The following HEATR5B variants were observed in gnomAD, a reference collection of about 807,000 sequenced individuals.
HEATR5B encodes HEAT repeat containing 5B.
HEATR5B carries 156 observed loss-of-function variants against 224.1 expected under a neutral mutation model. That is an observed-to-expected ratio of 0.70 (90% CI 0.61 to 0.80). The LOEUF (loss-of-function observed/expected upper bound fraction) is 0.80, where lower values mean the gene tolerates loss of function less well. Ranked by LOEUF, HEATR5B falls within the 30% of genes least tolerant of loss-of-function variation. The pLI is 0.00. For missense variants in HEATR5B, 2,323 were observed against 2,535.5 expected, an observed-to-expected ratio of 0.92 and a Z score of 1.80; for synonymous variants, 1,027 against 893.0, an observed-to-expected ratio of 1.15 and a Z score of -2.68.
chr2:37,046,811 A>G (rs1670224608), intron 18 of HEATR5B, among the ~76,000 whole-genome samples: 1 of 151,824 alleles, frequency 6.6e-6, no homozygotes, highest in South Asian at 2.1e-4. Context: ...GCACTTTGGG[A>G]GGCCGAGGCA....
rs1254956990 is a variant in HEATR5B, at chr2:37,008,663, A to G, written c.4470T>C (p.Asp1490=). The G allele has an allele frequency of 1.2e-6, 2 of 1,614,184 alleles. No individual in the cohort carries two copies. The highest frequency in any genetic ancestry group is 1.3e-5 in the African/African-American group (1 of 75,062). The change falls in exon 28 of 36, where the codon GAT becomes GAC. Residue 1490 remains aspartate (D), a synonymous_variant. Coordinates refer to ENST00000233099, the MANE Select transcript of HEATR5B (RefSeq NM_019024.3). ...CGGCTGGTAAAGTCAAGAGTGCATA[A>G]TCTTTTAATGCTGCTAACCACAGGC... ...LSRLWLAALK[D]YALLTLPAEF... is the part of the protein sequence containing the mutation.
At chr2:36,988,585 G>A (rs2148328315) in intron 35 of HEATR5B, 61 bp downstream of exon 35, 4 of 1,403,834 alleles carry the variant, frequency 2.8e-6, no homozygotes, top group South Asian at 1.2e-5. Flanking sequence ...TATCAAATAA[G>A]ATTTATATAC....
chr2:37,020,850 T>A lies in HEATR5B; in HGVS notation c.3854-14A>T. 1 of 1,444,590 alleles carries A rather than the reference T, an allele frequency of 6.9e-7. No homozygotes were observed. Among genetic ancestry groups the A allele is most frequent in the Non-Finnish European group, 9.2e-7 (1 of 1,087,286 alleles). The allele number at this position is 1,444,590 out of a possible 1,614,324, so 89.5% of individuals were successfully genotyped here. ...CCAAGAGGTCATCTAAAAATAAAAA[T>A]AGAATGCAAAAATGAAAACTTTTCC... On this transcript the variant is annotated splice_polypyrimidine_tract_variant and intron_variant, in intron 24 of 35. Coordinates refer to ENST00000233099, the MANE Select transcript of HEATR5B (RefSeq NM_019024.3).
chr2:37,082,355 C>A lies in HEATR5B; in HGVS notation c.126+934G>T, dbSNP rs1436263130. Among the ~76,000 whole-genome samples, 7 of 152,090 alleles carry A rather than the reference C, an allele frequency of 4.6e-5. No individual in the cohort carries two copies. The East Asian group carries it at 9.7e-4, about 21-fold the overall frequency. ...TCAGCTTCCCAACGTGCTGGGATTA[C>A]AGGCGTGAACCACCATGCCGGGCCA... On this transcript the variant is annotated intron_variant, in intron 2 of 35. Coordinates refer to ENST00000233099, the MANE Select transcript of HEATR5B (RefSeq NM_019024.3).
intron 34 of HEATR5B, 49 bp downstream of exon 34, chr2:36,990,599 C>T: frequency 7.0e-7 from 1 of 1,436,936 alleles, no homozygotes; most frequent in South Asian, 1.5e-5. Context: ...TGACATTTTC[C>T]TGATAAAGGG....
intron 12 of HEATR5B, among the ~76,000 whole-genome samples, chr2:37,059,313 T>C (rs1477995110): frequency 6.7e-6 from 1 of 149,614 alleles, no homozygotes; most frequent in Non-Finnish European, 1.5e-5. Flanking sequence ...TATACACATA[T>C]ACATTTATGT....
intron 14 of HEATR5B, among the ~76,000 whole-genome samples, 177 bp downstream of exon 14, chr2:37,058,274 C>T (rs1008043212): frequency 5.9e-5 from 9 of 152,096 alleles, no homozygotes; most frequent in African/African-American, 2.2e-4. Flanking sequence ...AGGCTGAAAA[C>T]GAGACCCAGA....
At chr2:36,994,505 C>T (rs547667628) in intron 33 of HEATR5B, among the ~76,000 whole-genome samples, 2 of 152,208 alleles carry the variant, frequency 1.3e-5, no homozygotes, top group South Asian at 2.1e-4. Flanking sequence ...CTGCTTGCCT[C>T]GATATACAAA....
intron 16 of HEATR5B, among the ~76,000 whole-genome samples, chr2:37,054,121 TTTTTA>T (rs1337758988): frequency 1.3e-5 from 2 of 151,750 alleles, no homozygotes; most frequent in African/African-American, 2.4e-5. Context: ...AGTGAATTGT[TTTTTA>T]TATTAATAAA....
At chr2:37,016,113 CTT>C (rs370375953) in intron 26 of HEATR5B, among the ~76,000 whole-genome samples, 11 of 131,998 alleles carry the variant, frequency 8.3e-5, no homozygotes, top group African/African-American at 8.6e-5. Flanking sequence ...TCCTTACTTT[CTT>C]TTTTTTTTTT....
At chr2:36,993,487 G>A (rs374369048) in intron 33 of HEATR5B, among the ~76,000 whole-genome samples, 1 of 151,180 alleles carries the variant, frequency 6.6e-6, no homozygotes, top group African/African-American at 2.4e-5. Context: ...AGGTTGCGGT[G>A]AGCCAAAATC....
At chr2:37,078,903 A>C (rs1248955507) in intron 3 of HEATR5B, among the ~76,000 whole-genome samples, 1 of 152,224 alleles carries the variant, frequency 6.6e-6, no homozygotes, top group Admixed American at 6.5e-5. Flanking sequence ...TACCTATTTT[A>C]CACTGTCATT....
chr2:36,997,140 T>G (rs1326654303), intron 33 of HEATR5B, among the ~76,000 whole-genome samples: 1 of 152,208 alleles, frequency 6.6e-6, no homozygotes, highest in Non-Finnish European at 1.5e-5. Flanking sequence ...TTTTTTCATC[T>G]ACCATTTAAT....
chr2:37,044,696 A>G (rs1670081405), intron 18 of HEATR5B, among the ~76,000 whole-genome samples: 1 of 152,212 alleles, frequency 6.6e-6, no homozygotes, highest in Admixed American at 6.5e-5. Flanking sequence ...TATCTTCCAA[A>G]GTGTCTGTAA....
intron 6 of HEATR5B, 91 bp from the exon 7 acceptor site, chr2:37,070,478 C>A: frequency 1.1e-6 from 1 of 947,190 alleles, no homozygotes. Flanking sequence ...GGACACTTTA[C>A]TACAATGGGG....
chr2:37,062,699 C>G (rs928592174), intron 10 of HEATR5B, among the ~76,000 whole-genome samples: 3 of 152,236 alleles, frequency 2.0e-5, no homozygotes, highest in African/African-American at 7.2e-5. Flanking sequence ...AGCATCTATG[C>G]TACTACTTTG....
At chr2:36,984,110 G>A (rs1201639508) in intron 35 of HEATR5B, among the ~76,000 whole-genome samples, 1 of 147,102 alleles carries the variant, frequency 6.8e-6, no homozygotes, top group Non-Finnish European at 1.5e-5. Context: ...TGAGGCAGGA[G>A]AATCACTTGA....
At chr2:37,073,340 A>G (rs1486920557) in intron 5 of HEATR5B, among the ~76,000 whole-genome samples, 2 of 152,258 alleles carry the variant, frequency 1.3e-5, no homozygotes, top group Non-Finnish European at 2.9e-5. Context: ...ACTAAAAAAG[A>G]AAAATCAAAT....
At position 36,990,769 on chromosome 2, in the gene HEATR5B, C is replaced by T; in HGVS notation, c.5576G>A (p.Ser1859Asn). The T allele has an allele frequency of 6.2e-7, 1 of 1,609,482 alleles. No individual in the cohort carries two copies. Among genetic ancestry groups the T allele is most frequent in the East Asian group, 2.2e-5 (1 of 44,780 alleles). Residue 1859 changes from serine (S) to asparagine (N), a missense_variant, in exon 34 of 36, where the codon AGC (serine) becomes AAC (asparagine). Around this residue, in one of 12 missense-constraint regions of HEATR5B, gnomAD observed 844 missense variants for 812.9 expected, o/e 1.04. Transcript: ENST00000233099. ...EDSVPTPDEVSMLTAIALFLW... is the reference protein window; with the variant it reads ...EDSVPTPDEVNMLTAIALFLW... ...GAAGAGTGCAATTGCTGTTAGCATG[C>T]TTACTTCATCAGGTGTAGGTACAGA...
Sources: allele counts gnomAD v4.1 joint callset (sites outside exome capture counted in the v4.1 genomes callset), GRCh38; gene constraint gnomAD v4.1.1; regional missense constraint gnomAD v4.1.1; transcripts MANE v1.5; gene names NCBI Gene and HGNC (gene_info 2026-07-23, HGNC 2026-07-21).